CNTNAP5: variants seen among roughly 807,000 people sequenced by gnomAD.
The protein encoded by CNTNAP5 is contactin-associated protein-like 5.
In CNTNAP5, 72 loss-of-function variants were observed where a neutral mutation model predicts 150.2. That is an observed-to-expected ratio of 0.48 (90% CI 0.40 to 0.58). CNTNAP5 has a LOEUF of 0.58. Among genes scored for constraint, CNTNAP5 ranks in the 20% least tolerant of loss-of-function variants. The probability of loss-of-function intolerance (pLI) is 0.00; values close to 1 mark genes in which losing one functional copy is unlikely to be tolerated. For missense variants in CNTNAP5, 1,636 were observed against 1,626.2 expected (o/e 1.01, Z -0.10); for synonymous variants, 672 against 619.8 (o/e 1.08, Z -1.25).
chr2:124,392,741 A>G (rs1055880716), intron 3 of CNTNAP5, among the ~76,000 whole-genome samples: 2 of 150,182 alleles, frequency 1.3e-5, no homozygotes, highest in Admixed American at 6.6e-5. Flanking sequence ...AAAAAAAAAG[A>G]AAGGAAGGGA....
chr2:124,848,018 T>C (rs1683083991), intron 19 of CNTNAP5, among the ~76,000 whole-genome samples: 1 of 152,162 alleles, frequency 6.6e-6, no homozygotes, highest in Non-Finnish European at 1.5e-5. Context: ...CTAATAAGGA[T>C]TGAATACATT....
chr2:124,072,970 A>G (rs1402756848), intron 1 of CNTNAP5, among the ~76,000 whole-genome samples: 1 of 152,104 alleles, frequency 6.6e-6, no homozygotes, highest in South Asian at 2.1e-4. Flanking sequence ...CTACAGAACT[A>G]TAGTAACCAA....
intron 1 of CNTNAP5, among the ~76,000 whole-genome samples, chr2:124,052,318 G>A (rs2104643817): frequency 6.6e-6 from 1 of 152,314 alleles, no homozygotes; most frequent in Middle Eastern, 3.4e-3. Context: ...ATCTGCAAAT[G>A]ATAGTAAAAA....
chr2:124,648,610 T>G (rs554613358), intron 13 of CNTNAP5, among the ~76,000 whole-genome samples: 1 of 152,324 alleles, frequency 6.6e-6, no homozygotes, highest in African/African-American at 2.4e-5. Flanking sequence ...AAATGGATGA[T>G]TTAGTTATTA....
At chr2:124,580,361 A>G (rs1050861333) in intron 11 of CNTNAP5, among the ~76,000 whole-genome samples, 4 of 152,218 alleles carry the variant, frequency 2.6e-5, no homozygotes, top group Non-Finnish European at 4.4e-5. Flanking sequence ...CCACTCACTG[A>G]GTTTTGGCCA....
chr2:124,220,118 T>G (rs941098844), intron 1 of CNTNAP5, among the ~76,000 whole-genome samples: 1 of 151,846 alleles, frequency 6.6e-6, no homozygotes, highest in Non-Finnish European at 1.5e-5. Flanking sequence ...GCTGAATAAA[T>G]AAGCTTAATA....
At chr2:124,234,686 C>T (rs1686703350) in intron 2 of CNTNAP5, among the ~76,000 whole-genome samples, 1 of 152,108 alleles carries the variant, frequency 6.6e-6, no homozygotes, top group African/African-American at 2.4e-5. Context: ...GCCAAACCCC[C>T]TCACTTCTTT....
At chr2:124,106,044 G>A (rs940770781) in intron 1 of CNTNAP5, among the ~76,000 whole-genome samples, 4 of 151,244 alleles carry the variant, frequency 2.6e-5, no homozygotes, top group East Asian at 3.9e-4. Context: ...TGAAATCTAC[G>A]ATTACTTTAT....
Position 124,786,208 on chromosome 2 carries a change from C to T in CNTNAP5, c.2753-3694C>T, listed in dbSNP as rs542918909. 1.9e-4 allele frequency among the ~76,000 whole-genome samples: 28 copies of T among 150,758 alleles called. No individual in the cohort carries two copies. The South Asian group carries it at 3.6e-3, about 19-fold the overall frequency. ...ACTTTGGGAGATGGAGGCTGCAGTG[C>T]GCTATGATCACACCACCGCACTCCA... On this transcript the variant is annotated intron_variant, in intron 17 of 23. Coordinates refer to ENST00000682447, the MANE Select transcript of CNTNAP5 (RefSeq NM_001367498.1).
chr2:124,818,650 C>T (rs971092706), intron 19 of CNTNAP5, among the ~76,000 whole-genome samples: 2 of 152,154 alleles, frequency 1.3e-5, no homozygotes, highest in African/African-American at 4.8e-5. Flanking sequence ...GCCATCTCCT[C>T]CCCCACTTTC....
chr2:124,821,653 G>T (rs888786581), intron 19 of CNTNAP5, among the ~76,000 whole-genome samples: 1 of 152,032 alleles, frequency 6.6e-6, no homozygotes, highest in Non-Finnish European at 1.5e-5. Context: ...TCAGTGAATT[G>T]GTTCTGTAAC....
At chr2:124,075,233 T>C (rs1276850974) in intron 1 of CNTNAP5, among the ~76,000 whole-genome samples, 1 of 152,128 alleles carries the variant, frequency 6.6e-6, no homozygotes, top group Non-Finnish European at 1.5e-5. Context: ...TGCCTCCTTT[T>C]TGTCATACAA....
At chr2:124,555,706 C>T (rs949342866) in intron 10 of CNTNAP5, among the ~76,000 whole-genome samples, 58 of 152,294 alleles carry the variant, frequency 3.8e-4, no homozygotes, top group African/African-American at 1.4e-3. Context: ...TGTTAACTTA[C>T]ACAGGCTCAG....
chr2:124,890,372 T>C (rs898922679), intron 21 of CNTNAP5, among the ~76,000 whole-genome samples: 1 of 152,148 alleles, frequency 6.6e-6, no homozygotes, highest in South Asian at 2.1e-4. Flanking sequence ...TCACCATCCA[T>C]AGAGATAAGT....
intron 1 of CNTNAP5, among the ~76,000 whole-genome samples, chr2:124,159,066 G>A (rs1300006337): frequency 1.3e-5 from 2 of 152,070 alleles, no homozygotes; most frequent in African/African-American, 4.8e-5. Flanking sequence ...TATACTTCAG[G>A]GGTTTCAACA....
intron 1 of CNTNAP5, among the ~76,000 whole-genome samples, chr2:124,086,483 G>A (rs1224168136): frequency 2.0e-5 from 3 of 151,550 alleles, no homozygotes; most frequent in East Asian, 1.9e-4. Context: ...GATTACAAGC[G>A]TGAGCCACTG....
chr2:124,674,159 A>G (rs913416909), intron 13 of CNTNAP5, among the ~76,000 whole-genome samples: 1 of 152,128 alleles, frequency 6.6e-6, no homozygotes, highest in Non-Finnish European at 1.5e-5. Context: ...TGATCTTCTC[A>G]AATAATCTAC....
chr2:124,868,175 G>A (rs1677671543), intron 20 of CNTNAP5, among the ~76,000 whole-genome samples: 2 of 152,112 alleles, frequency 1.3e-5, no homozygotes, highest in African/African-American at 4.8e-5. Flanking sequence ...CAACATAGCA[G>A]TCAGAGTGAT....
rs1333885521 is a variant in CNTNAP5 at position 124,917,747 on chromosome 2, AAC to A, written c.*3461_*3462del. The stretch of plus-strand genomic sequence containing the variant: ...TGAGTGCCGGGCTAGGCATTGGGTG[AAC>A]ATATATAAATTACACCTTGTTTTTG... On this transcript the variant is annotated 3_prime_UTR_variant, in exon 24 of 24. Coordinates refer to ENST00000682447, the MANE Select transcript of CNTNAP5 (RefSeq NM_001367498.1). Among the ~76,000 whole-genome samples, 1 of 151,998 alleles carries A rather than the reference AAC, an allele frequency of 6.6e-6. No individual in the cohort carries two copies. Among genetic ancestry groups the A allele is most frequent in the Non-Finnish European group, 1.5e-5 (1 of 67,978 alleles).
Sources: allele counts gnomAD v4.1 joint callset (sites outside exome capture counted in the v4.1 genomes callset), GRCh38; gene constraint gnomAD v4.1.1; transcripts MANE v1.5; gene names NCBI Gene and HGNC (gene_info 2026-07-23, HGNC 2026-07-21).